Variants in SPATS2 observed in about 807,000 individuals in gnomAD.
SPATS2 encodes spermatogenesis associated serine rich 2.
In SPATS2, 38 loss-of-function variants were observed where a neutral mutation model predicts 63.7. The ratio of observed to expected loss-of-function variants is 0.60; its 90% CI spans 0.46 to 0.78. The LOEUF (loss-of-function observed/expected upper bound fraction) is 0.78, where lower values mean the gene tolerates loss of function less well. Among genes scored for constraint, SPATS2 ranks in the 30% least tolerant of loss-of-function variants. The probability of loss-of-function intolerance (pLI) is 0.00; values close to 1 mark genes in which losing one functional copy is unlikely to be tolerated. For synonymous variants in SPATS2, 207 were observed against 232.9 expected, an observed-to-expected ratio of 0.89 and a Z score of 1.01; for missense variants, 588 against 666.2, an observed-to-expected ratio of 0.88 and a Z score of 1.29.
intron 2 of SPATS2, among the ~76,000 whole-genome samples, chr12:49,446,885 GCCT>G (rs1945520384): frequency 6.6e-6 from 1 of 151,890 alleles, no homozygotes; most frequent in Non-Finnish European, 1.5e-5. Context: ...TGCTACACAG[GCCT>G]CATAGAATTA....
At chr12:49,391,401 A>C (rs1944416529) in intron 2 of SPATS2, among the ~76,000 whole-genome samples, 1 of 152,074 alleles carries the variant, frequency 6.6e-6, no homozygotes, top group Non-Finnish European at 1.5e-5. Flanking sequence ...AATCCCAGCT[A>C]CTCGGGAGGC....
At chr12:49,431,197 G>T (rs1945178867) in intron 2 of SPATS2, among the ~76,000 whole-genome samples, 1 of 151,952 alleles carries the variant, frequency 6.6e-6, no homozygotes, top group African/African-American at 2.4e-5. Context: ...GTGCAAACCA[G>T]TGCAAATACA....
At chr12:49,420,737 G>A (rs1032365090) in intron 2 of SPATS2, among the ~76,000 whole-genome samples, 3 of 152,178 alleles carry the variant, frequency 2.0e-5, no homozygotes, top group Non-Finnish European at 2.9e-5. Flanking sequence ...ACATTTGGTA[G>A]GCGTGGTGGC....
At chr12:49,499,485 TGTCTTTCCA>T (rs1250779406) in intron 8 of SPATS2, among the ~76,000 whole-genome samples, 1 of 152,072 alleles carries the variant, frequency 6.6e-6, no homozygotes, top group East Asian at 1.9e-4. Flanking sequence ...TTTTGCCTGT[TGTCTTTCCA>T]GTCTTGGGTA....
chr12:49,464,458 TAAA>T (rs1228818478), intron 3 of SPATS2, among the ~76,000 whole-genome samples: 1 of 121,700 alleles, frequency 8.2e-6, no homozygotes, highest in Admixed American at 8.7e-5. Flanking sequence ...TGTCTCTGCT[TAAA>T]AAAAAAAAAA....
Position 49,494,739 on chromosome 12 carries a change from A to G in SPATS2, c.265-2A>G. The stretch of plus-strand genomic sequence containing the variant: ...TCTTTTTCAAATTTTTAATAACTTT[A>G]GAACAAAAAGAAGAAAAACAAACCG... On this transcript the variant is annotated splice_acceptor_variant, in intron 6 of 13. Coordinates refer to ENST00000552918, the MANE Select transcript of SPATS2 (RefSeq NM_023071.4). LOFTEE classifies it high-confidence loss of function. The G allele has an allele frequency of 3.3e-6, 5 of 1,526,322 alleles. No homozygotes were observed. The highest frequency in any genetic ancestry group is 4.4e-6 in the Non-Finnish European group (5 of 1,138,990). 94.5% of individuals were successfully genotyped at this position (1,526,322 alleles called of 1,614,324 possible).
intron 1 of SPATS2, among the ~76,000 whole-genome samples, chr12:49,368,670 T>G (rs1384597509): frequency 6.6e-6 from 1 of 152,194 alleles, no homozygotes; most frequent in Non-Finnish European, 1.5e-5. Context: ...CAGTTTCAAT[T>G]AAGGTGATTT....
chr12:49,499,391 GTTGTTTTGTT>G (rs367735131), intron 8 of SPATS2, among the ~76,000 whole-genome samples: 9,708 of 146,402 alleles, frequency 0.066, 426 homozygotes, highest in African/African-American at 0.1. Flanking sequence ...GTTCTGCCTG[GTTGTTTTGTT>G]TTGTTTTGTT....
At chr12:49,491,496 C>G (rs760898535) in intron 6 of SPATS2, among the ~76,000 whole-genome samples, 52 of 152,056 alleles carry the variant, frequency 3.4e-4, no homozygotes, top group Non-Finnish European at 8.8e-5. Flanking sequence ...GGGAGGATCA[C>G]TTGCGCCCAG....
At chr12:49,429,854 C>T (rs1231021375) in intron 2 of SPATS2, among the ~76,000 whole-genome samples, 1 of 149,910 alleles carries the variant, frequency 6.7e-6, no homozygotes, top group Non-Finnish European at 1.5e-5. Context: ...GATCTCAGCT[C>T]ACTGCAACCT....
chr12:49,436,728 G>C (rs1178288173), intron 2 of SPATS2, among the ~76,000 whole-genome samples: 1 of 141,992 alleles, frequency 7.0e-6, no homozygotes, highest in Non-Finnish European at 1.6e-5. Flanking sequence ...CTGGCCGGGC[G>C]GGGGGCTGAC....
intron 2 of SPATS2, among the ~76,000 whole-genome samples, chr12:49,393,052 A>G (rs1004650536): frequency 6.6e-6 from 1 of 151,980 alleles, no homozygotes; most frequent in Non-Finnish European, 1.5e-5. Context: ...ACTCCATCCA[A>G]AAAAAATAGT....
intron 11 of SPATS2, among the ~76,000 whole-genome samples, chr12:49,519,589 A>G (rs945505681): frequency 1.6e-5 from 2 of 122,600 alleles, no homozygotes; most frequent in Non-Finnish European, 3.2e-5. Context: ...TCCCCACACT[A>G]CAGCAGTCTG....
chr12:49,459,451 T>C (rs964450790), intron 2 of SPATS2, among the ~76,000 whole-genome samples: 4 of 152,010 alleles, frequency 2.6e-5, no homozygotes, highest in African/African-American at 2.4e-5. Flanking sequence ...TGGATTCAAG[T>C]GATTCTCCTG....
At position 49,513,931 on chromosome 12, in the gene SPATS2, C is replaced by T. The variant is rs1046201127; in HGVS notation, c.840-624C>T. Among the ~76,000 whole-genome samples the T allele has an allele frequency of 3.3e-5, 5 of 152,080 alleles. No individual in the cohort carries two copies. The South Asian group carries it at 1.0e-3, about 32-fold the overall frequency. On this transcript the variant is annotated intron_variant, in intron 9 of 13. Coordinates refer to ENST00000552918, the MANE Select transcript of SPATS2 (RefSeq NM_023071.4). The stretch of plus-strand genomic sequence containing the variant: ...CAGCACTTTGGGAGGCCGAGGCGGG[C>T]GGATCACGAGGTCAGGAGATCGAGA...
intron 2 of SPATS2, among the ~76,000 whole-genome samples, chr12:49,375,446 A>C (rs1367142361): frequency 6.6e-6 from 1 of 152,216 alleles, no homozygotes; most frequent in Non-Finnish European, 1.5e-5. Flanking sequence ...GTAGTTGAGC[A>C]GTACTTTTCC....
chr12:49,439,810 C>T (rs924027047), intron 2 of SPATS2, among the ~76,000 whole-genome samples: 30 of 152,174 alleles, frequency 2.0e-4, no homozygotes, highest in African/African-American at 6.8e-4. Context: ...CTGCCAGGAA[C>T]ACCTGGCGTC....
At chr12:49,402,346 A>C (rs781297680) in intron 2 of SPATS2, among the ~76,000 whole-genome samples, 3 of 152,168 alleles carry the variant, frequency 2.0e-5, no homozygotes, top group Non-Finnish European at 2.9e-5. Context: ...ATGAGGATGT[A>C]AGAGGGGAAT....
intron 9 of SPATS2, among the ~76,000 whole-genome samples, chr12:49,511,463 G>A (rs559853748): frequency 6.6e-6 from 1 of 152,210 alleles, no homozygotes; most frequent in African/African-American, 2.4e-5. Context: ...AGCAGTTTTA[G>A]AATCTAGTCT....
Sources: gnomAD v4.1 joint callset for allele counts (sites outside exome capture counted in the v4.1 genomes callset) on GRCh38, gnomAD v4.1.1 for gene constraint, MANE v1.5 for transcripts, NCBI Gene and HGNC (gene_info 2026-07-23, HGNC 2026-07-21) for gene names.